The following XPO5 variants were observed in gnomAD, a reference collection of about 807,000 sequenced individuals.
The protein encoded by XPO5 is exportin-5.
Under a neutral mutation model 160.6 loss-of-function variants are expected in XPO5, and 46 were observed. That is an observed-to-expected ratio of 0.29 (90% CI 0.23 to 0.37). XPO5 has a LOEUF of 0.37. Ranked by LOEUF, XPO5 falls within the 10% of genes least tolerant of loss-of-function variation. The pLI is 1.00. For missense variants in XPO5, 1,090 were observed against 1,463.9 expected (o/e 0.74, Z 4.17); for synonymous variants, 537 against 519.3 (o/e 1.03, Z -0.46).
At chr6:43,573,345 T>C in intron 2 of XPO5, 135 bp downstream of exon 2, 1 of 1,198,832 alleles carries the variant, frequency 8.3e-7, no homozygotes, top group Non-Finnish European at 1.1e-6. Flanking sequence ...GAGGTTCTGA[T>C]AACATCTAGG....
chr6:43,566,745 C>T (rs1561885833), intron 7 of XPO5: 3 of 235,912 alleles, frequency 1.3e-5, no homozygotes, highest in African/African-American at 4.8e-5. Context: ...GGAAGGCGGA[C>T]GTTGCAGTGA....
At position 43,525,863 on chromosome 6, in the gene XPO5, C is replaced by T; in HGVS notation, c.3042G>A (p.Leu1014=). The T allele has an allele frequency of 5.6e-6, 9 of 1,614,048 alleles. No individual in the cohort carries two copies. The highest frequency in any genetic ancestry group is 7.6e-6 in the Non-Finnish European group (9 of 1,179,896). The part of the protein sequence containing the change: ...TPSAMAELTD[L]GKCLMKHEDV... ...CCTCATGCTTCATCAGACATTTGCC[C>T]AGGTCTGTAAGCTCTGCCATAGCTG... Residue 1014 remains leucine (L), a synonymous_variant, in exon 28 of 32, where the codon CTG becomes CTA. Coordinates refer to ENST00000265351, the MANE Select transcript of XPO5 (RefSeq NM_020750.3).
At chr6:43,564,483 C>T (rs1414699762) in intron 8 of XPO5, among the ~76,000 whole-genome samples, 1 of 151,570 alleles carries the variant, frequency 6.6e-6, no homozygotes, top group East Asian at 1.9e-4. Flanking sequence ...GAGCTGAGAT[C>T]GCATCATTGC....
chr6:43,573,352 T>C, intron 2 of XPO5, 128 bp downstream of exon 2: 3 of 1,262,916 alleles, frequency 2.4e-6, no homozygotes, highest in East Asian at 2.5e-5. Flanking sequence ...TGATAACATC[T>C]AGGGGATCAT....
At chr6:43,561,410 A>T in intron 9 of XPO5, 1 of 162,528 alleles carries the variant, frequency 6.2e-6, no homozygotes, top group Non-Finnish European at 1.3e-5. Context: ...ATGGAGTCTC[A>T]CTCTGTTGCT....
chr6:43,559,701 TG>T (rs1341514764), intron 11 of XPO5, among the ~76,000 whole-genome samples: 1 of 152,270 alleles, frequency 6.6e-6, no homozygotes, highest in Non-Finnish European at 1.5e-5. Flanking sequence ...TACTCTCATA[TG>T]GAAGAGCAGT....
Position 43,524,736 on chromosome 6 carries a change from G to A in XPO5, c.3312+95C>T, listed in dbSNP as rs955329737. On this transcript the variant is annotated intron_variant, in intron 30 of 31. Transcript: ENST00000265351. ...TTCTCAGAGATTGCACCAGCAATTT[G>A]GCAGGTGCCTGAATTTAGGATAAGG... The A allele has an allele frequency of 3.2e-6, 5 of 1,585,896 alleles. No homozygotes were observed. In the African/African-American group the frequency reaches 4.0e-5, roughly 13 times the overall value.
Position 43,528,925 on chromosome 6 carries a change from C to T in XPO5, c.2678G>A (p.Arg893His), listed in dbSNP as rs550172239. The part of the protein sequence containing the change: ...IPDYRLRPML[R>H]VFVKPLVLFC... ...GAGCACCAGAGGCTTTACAAAGACA[C>T]GTGCTGCAACAAGTTAAGAAATTTT... is the stretch of plus-strand genomic sequence containing the variant. Residue 893 changes from arginine to histidine, a missense_variant and splice_region_variant, in exon 24 of 32, where the codon CGT (arginine) becomes CAT (histidine). By Grantham distance (29) the Arg-to-His change is conservative. This residue lies in a region of XPO5 where 810 missense variants were observed against 1,139.0 expected (regional missense o/e 0.71). Transcript: ENST00000265351. 2.5e-6 allele frequency: 4 copies of T among 1,609,900 alleles called. No homozygotes were observed. The highest frequency in any genetic ancestry group is 2.2e-5 in the South Asian group (2 of 90,430).
In XPO5 at chr6:43,548,365, C is replaced by G; in HGVS notation, c.1956G>C (p.Leu652=). 6.2e-7 allele frequency: 1 copy of G among 1,613,624 alleles called. No homozygotes were observed. The highest frequency in any genetic ancestry group is 2.2e-5 in the East Asian group (1 of 44,884). Residue 652 remains leucine (L), a synonymous_variant, in exon 18 of 32, where the codon CTG becomes CTC. Transcript: ENST00000265351. ...TCTTAAATTGGTTGCTAATGAGAAC[C>G]AGGGCTTCCATGAGGGCACACTTCT... ...QMEKCALMEA[L]VLISNQFKNY...
Position 43,553,412 on chromosome 6 carries a change from T to C in XPO5, c.1533A>G (p.Glu511=). ...VQWEAMTLFL[E]SVITQMFRTL... is the part of the protein sequence containing the mutation. ...TTCGAAACATCTGGGTGATAACACTTTCCAAAAAAAGAGTCATGGCTTCCC... is the reference window on the plus strand; with the variant it reads ...TTCGAAACATCTGGGTGATAACACTCTCCAAAAAAAGAGTCATGGCTTCCC... The change falls in exon 14 of 32, where the codon GAA becomes GAG. Residue 511 remains glutamate, a synonymous_variant. Coordinates refer to ENST00000265351, the MANE Select transcript of XPO5 (RefSeq NM_020750.3). 1 of 1,606,642 alleles carries C rather than the reference T, an allele frequency of 6.2e-7. No homozygotes were observed. Among genetic ancestry groups the C allele is most frequent in the Non-Finnish European group, 8.5e-7 (1 of 1,176,486 alleles).
chr6:43,535,245 G>A (rs938867232), intron 20 of XPO5, among the ~76,000 whole-genome samples: 4 of 151,492 alleles, frequency 2.6e-5, no homozygotes, highest in Admixed American at 2.0e-4. Flanking sequence ...GGGCAACAGA[G>A]CGAGACTCTG....
rs770912025 is a variant in XPO5 at position 43,530,731 on chromosome 6, G to A, written c.2634C>T (p.Val878=). 1 of 1,613,838 alleles carries A rather than the reference G, an allele frequency of 6.2e-7. No individual in the cohort carries two copies. The highest frequency in any genetic ancestry group is 8.5e-7 in the Non-Finnish European group (1 of 1,179,890). ...LATQLLSSAF[V]NLNNIPDYRL... ...GGTAGTCAGGAATATTGTTCAAGTT[G>A]ACAAAGGCTGAGCTGAGAAGCTGGG... Residue 878 remains valine, a synonymous_variant, in exon 23 of 32, where the codon GTC becomes GTT. Transcript: ENST00000265351.
In XPO5 at chr6:43,570,633, C is replaced by T; in HGVS notation, c.490G>A (p.Val164Ile). ...GGGGGAAGTGTCTGAAAAGTCACTACATCCTCTGCCAGTCGCAAAAGGATA... is the reference window on the plus strand; with the variant it reads ...GGGGGAAGTGTCTGAAAAGTCACTATATCCTCTGCCAGTCGCAAAAGGATA... ...MFILLRLAED[V>I]VTFQTLPPQR... Residue 164 changes from valine to isoleucine, a missense_variant, in exon 5 of 32, where the codon GTA (valine) becomes ATA (isoleucine). Transcript: ENST00000265351. 6.2e-7 allele frequency: 1 copy of T among 1,613,634 alleles called. No homozygotes were observed. Among genetic ancestry groups the T allele is most frequent in the Non-Finnish European group, 8.5e-7 (1 of 1,179,748 alleles).
intron 6 of XPO5, among the ~76,000 whole-genome samples, chr6:43,568,135 C>A (rs1340489164): frequency 6.6e-6 from 1 of 151,350 alleles, no homozygotes; most frequent in Non-Finnish European, 1.5e-5. Flanking sequence ...GGTGAAACCC[C>A]GTCTCTACTA....
In XPO5 at chr6:43,547,674, A is replaced by G. The variant is rs1795026211; in HGVS notation, c.2094T>C (p.Tyr698=). Residue 698 remains tyrosine, a synonymous_variant, in exon 19 of 32, where the codon TAT becomes TAC. Coordinates refer to ENST00000265351, the MANE Select transcript of XPO5 (RefSeq NM_020750.3). ...VLSDVDAFIA[Y]VGTDQKSCDP... ...CACAGCTCTTCTGATCTGTACCCAC[A>G]TACGCAATGAAAGCATCAACATCTG... The G allele has an allele frequency of 1.9e-6, 3 of 1,614,040 alleles. No homozygotes were observed. The highest frequency in any genetic ancestry group is 2.5e-6 in the Non-Finnish European group (3 of 1,179,888).
chr6:43,563,999 T>C (rs1170442810), intron 8 of XPO5, among the ~76,000 whole-genome samples: 2 of 152,154 alleles, frequency 1.3e-5, no homozygotes, highest in Non-Finnish European at 2.9e-5. Flanking sequence ...CCTGGCTCAC[T>C]GCAACTTTCG....
intron 7 of XPO5, chr6:43,566,523 C>T (rs113286026): frequency 0.017 from 3,207 of 183,684 alleles, 41 homozygotes; most frequent in Non-Finnish European, 0.027. Flanking sequence ...CCAAGACAGA[C>T]ATAGGCTTGG....
At position 43,530,765 on chromosome 6, in the gene XPO5, T is replaced by A; in HGVS notation, c.2600A>T (p.Asp867Val). The change falls in exon 23 of 32, where the codon GAC becomes GTC. Residue 867 changes from aspartate to valine, a missense_variant. Asp to Val is a radical substitution (Grantham distance 152). Transcript: ENST00000265351. ...SMQQDFYTVEDLATQLLSSAF... is the reference protein window; with the variant it reads ...SMQQDFYTVEVLATQLLSSAF... ...TGAGCTGAGAAGCTGGGTAGCAAGG[T>A]CCTCCACAGTATAGAAGTCTTGCTG... The A allele has an allele frequency of 6.2e-7, 1 of 1,613,872 alleles. No homozygotes were observed. The highest frequency in any genetic ancestry group is 8.5e-7 in the Non-Finnish European group (1 of 1,179,864).
intron 23 of XPO5, among the ~76,000 whole-genome samples, chr6:43,529,851 G>A (rs546649492): frequency 2.8e-3 from 419 of 148,786 alleles, no homozygotes; most frequent in African/African-American, 0.01. Flanking sequence ...ACTTGAGCCT[G>A]CACTGAGCTT....
Sources: gnomAD v4.1 joint callset for allele counts (sites outside exome capture counted in the v4.1 genomes callset) on GRCh38, gnomAD v4.1.1 for gene constraint, gnomAD v4.1.1 regional missense constraint, MANE v1.5 for transcripts, NCBI Gene and HGNC (gene_info 2026-07-23, HGNC 2026-07-21) for gene names.